SSR2: variants seen among roughly 807,000 people sequenced by gnomAD.
SSR2 encodes the protein signal sequence receptor subunit 2.
In SSR2, 16 loss-of-function variants were observed where a neutral mutation model predicts 22.6. The ratio of observed to expected loss-of-function variants is 0.71; its 90% CI spans 0.48 to 1.08. SSR2 has a LOEUF of 1.08. Among genes scored for constraint, SSR2 ranks in the 50% least tolerant of loss-of-function variants. The pLI, the probability that SSR2 is intolerant of heterozygous loss-of-function variation, is 0.00. For synonymous variants in SSR2, 83 were observed against 91.2 expected (o/e 0.91, Z 0.51); for missense variants, 171 against 221.6 (o/e 0.77, Z 1.45).
rs143494097 is a variant in SSR2 at position 156,018,355 on chromosome 1, C to T, written c.169G>A (p.Val57Met). ...GGGAAGGAATCATCAGATAGTTCCACGTCTAATGCAGCACTAGAAAATGGA... is the reference window on the plus strand; with the variant it reads ...GGGAAGGAATCATCAGATAGTTCCATGTCTAATGCAGCACTAGAAAATGGA... ...YNVGSSAALD[V>M]ELSDDSFPPE... Residue 57 changes from valine (V) to methionine (M), a missense_variant, in exon 3 of 6, where the codon GTG (valine) becomes ATG (methionine). Val to Met is a conservative substitution (Grantham distance 21). Transcript: ENST00000295702. The T allele has an allele frequency of 1.3e-5, 21 of 1,612,704 alleles. No individual in the cohort carries two copies. The African/African-American group carries it at 2.4e-4, about 19-fold the overall frequency.
intron 5 of SSR2, 99 bp downstream of exon 5, chr1:156,011,711 C>T: frequency 1.0e-6 from 1 of 971,126 alleles, no homozygotes; most frequent in Non-Finnish European, 1.6e-6. Context: ...AGGGCAAGAA[C>T]CAACCAACAA....
intron 4 of SSR2, chr1:156,012,727 T>A: frequency 2.8e-6 from 1 of 357,730 alleles, no homozygotes; most frequent in Non-Finnish European, 5.6e-6. Context: ...GTGTACTAAT[T>A]AGCCTACAGC....
chr1:156,020,218 C>A, intron 1 of SSR2, 51 bp from the exon 2 acceptor site: 1 of 1,602,210 alleles, frequency 6.2e-7, no homozygotes, highest in Non-Finnish European at 8.5e-7. Context: ...GTCAAATTCA[C>A]CAAAATCCTC....
rs1386184267 is a variant in SSR2 at position 156,020,156 on chromosome 1, C to G, written c.12G>C (p.Leu4=). MRL[L]SFVVLALFAV... is the part of the protein sequence containing the mutation. ...CAAATAGAGCCAACACCACAAATGACAGCAGCCTCATCTTTAGAGAAAAAA... is the reference window on the plus strand; with the variant it reads ...CAAATAGAGCCAACACCACAAATGAGAGCAGCCTCATCTTTAGAGAAAAAA... Residue 4 remains leucine, a synonymous_variant, in exon 2 of 6, where the codon CTG becomes CTC. Coordinates refer to ENST00000295702, the MANE Select transcript of SSR2 (RefSeq NM_003145.4). The G allele has an allele frequency of 5.0e-6, 8 of 1,613,698 alleles. No individual in the cohort carries two copies. The highest frequency in any genetic ancestry group is 5.9e-6 in the Non-Finnish European group (7 of 1,179,886).
At chr1:156,011,689 C>G in intron 5 of SSR2, 121 bp downstream of exon 5, 1 of 773,664 alleles carries the variant, frequency 1.3e-6, no homozygotes, top group African/African-American at 1.7e-5. Context: ...TATCAGACAC[C>G]AAAAAACACA....
chr1:156,010,341 G>A (rs1682962395), intron 5 of SSR2: 1 of 152,144 alleles, frequency 6.6e-6, no homozygotes, highest in African/African-American at 2.4e-5. Flanking sequence ...ACAGGTGTGA[G>A]CCACAACACC....
At chr1:156,019,016 CAG>C in intron 2 of SSR2, 1 of 180,776 alleles carries the variant, frequency 5.5e-6, no homozygotes, top group South Asian at 9.9e-5. Context: ...GCCTGGGTGA[CAG>C]AGTGATACTC....
At chr1:156,010,656 C>G (rs956032386) in intron 5 of SSR2, 3 of 152,280 alleles carry the variant, frequency 2.0e-5, no homozygotes, top group African/African-American at 7.2e-5. Flanking sequence ...GGAAGAGAAG[C>G]TTCTGTTCCA....
At chr1:156,020,498 T>G in intron 1 of SSR2, 4 of 309,574 alleles carry the variant, frequency 1.3e-5, no homozygotes, top group East Asian at 8.0e-5. Context: ...TTTCGGCCGA[T>G]CTCGGACCTG....
intron 4 of SSR2, chr1:156,014,402 C>G (rs1019477818): frequency 6.6e-6 from 1 of 152,296 alleles, no homozygotes; most frequent in African/African-American, 2.4e-5. Context: ...TGAGCCACCA[C>G]GTCTGGCCGC....
chr1:156,019,124 T>C (rs900076661), intron 2 of SSR2: 5 of 260,316 alleles, frequency 1.9e-5, no homozygotes, highest in South Asian at 1.8e-4. Context: ...AAGATATGAG[T>C]AATATAGCAA....
At chr1:156,014,541 C>CTA (rs1421899908) in intron 4 of SSR2, 4 of 158,146 alleles carry the variant, frequency 2.5e-5, no homozygotes, top group Admixed American at 1.2e-4. Flanking sequence ...TTCTTTCTAA[C>CTA]TATATATATA....
intron 1 of SSR2, chr1:156,020,650 G>T: frequency 3.2e-6 from 1 of 313,482 alleles, no homozygotes. Flanking sequence ...CTCCAGTCCA[G>T]CCCCTGAGAT....
intron 1 of SSR2, chr1:156,020,403 C>T (rs1298566680): frequency 2.2e-6 from 1 of 450,364 alleles, no homozygotes; most frequent in East Asian, 4.2e-5. Context: ...CTCTTCCTGT[C>T]AGAAGCCCCG....
At chr1:156,012,175 T>C (rs905057787) in intron 4 of SSR2, 16 of 317,768 alleles carry the variant, frequency 5.0e-5, no homozygotes, top group Non-Finnish European at 7.2e-5. Flanking sequence ...CAACTGAAAT[T>C]AAAGCCAAAT....
chr1:156,011,990 TAG>T (rs1682984187), intron 4 of SSR2, 103 bp from the exon 5 acceptor site: 2 of 762,016 alleles, frequency 2.6e-6, no homozygotes, highest in Non-Finnish European at 4.5e-6. Context: ...CTCTATGCAT[TAG>T]AGTCTTAGTT....
chr1:156,017,629 T>C (rs973696471), intron 3 of SSR2, among the ~76,000 whole-genome samples: 11 of 151,610 alleles, frequency 7.3e-5, no homozygotes, highest in African/African-American at 2.7e-4. Flanking sequence ...ATTACAGGCA[T>C]GAGCCACTGT....
chr1:156,020,743 CCGCCTCT>C (rs1683140062), intron 1 of SSR2, 138 bp downstream of exon 1: 3 of 379,414 alleles, frequency 7.9e-6, no homozygotes, highest in Admixed American at 6.4e-5. Context: ...CCCCCGCCTC[CCGCCTCT>C]TGCAAGGTTA....
intron 3 of SSR2, among the ~76,000 whole-genome samples, chr1:156,015,691 G>T (rs1266108036): frequency 6.7e-6 from 1 of 149,296 alleles, no homozygotes; most frequent in African/African-American, 2.4e-5. Flanking sequence ...GCCTCCCAAA[G>T]TCCTGGGATT....
Sources: gnomAD v4.1 joint callset for allele counts (sites outside exome capture counted in the v4.1 genomes callset) on GRCh38, gnomAD v4.1.1 for gene constraint, MANE v1.5 for transcripts, NCBI Gene and HGNC (gene_info 2026-07-23, HGNC 2026-07-21) for gene names.